The following ANKRD27 variants were observed in gnomAD, a reference collection of about 807,000 sequenced individuals.
The protein encoded by ANKRD27 is ankyrin repeat domain 27, also known as ankyrin repeat domain-containing protein 27.
A neutral mutation model predicts 129.7 loss-of-function variants in ANKRD27; 112 were observed. The observed-to-expected ratio is 0.86, with a 90% CI of 0.74 to 1.01. The LOEUF (loss-of-function observed/expected upper bound fraction) is 1.01, where lower values mean the gene tolerates loss of function less well. Ranked by LOEUF, ANKRD27 falls within the 50% of genes least tolerant of loss-of-function variation. The pLI is 0.00. For missense variants in ANKRD27, 1,258 were observed against 1,300.5 expected (o/e 0.97, Z 0.50); for synonymous variants, 516 against 511.2 (o/e 1.01, Z -0.13).
intron 1 of ANKRD27, among the ~76,000 whole-genome samples, chr19:32,660,904 TA>T (rs1164439890): frequency 6.6e-6 from 1 of 152,160 alleles, no homozygotes; most frequent in African/African-American, 2.4e-5. Flanking sequence ...ATCTGTATAC[TA>T]AAGTAAGTTT....
chr19:32,621,106 A>T (rs1972004267), intron 18 of ANKRD27, among the ~76,000 whole-genome samples: 1 of 152,084 alleles, frequency 6.6e-6, no homozygotes, highest in Admixed American at 6.6e-5. Flanking sequence ...AAACTGTGCT[A>T]CTCCAAGAAT....
chr19:32,663,778 C>T lies in ANKRD27; in HGVS notation c.-30-4733G>A, dbSNP rs146544199. Among the ~76,000 whole-genome samples, 1,051 of 152,102 alleles carry T rather than the reference C, an allele frequency of 6.9e-3. 7 individuals carry two copies. Among genetic ancestry groups the T allele is most frequent in the Non-Finnish European group, 0.011 (732 of 67,990 alleles). On this transcript the variant is annotated intron_variant, in intron 1 of 28. Coordinates refer to ENST00000306065, the MANE Select transcript of ANKRD27 (RefSeq NM_032139.3). ...GCACATTAAAAAAGAAATAGGGGGC[C>T]GGGTGTGGTGGCTCACGCCTGTAAT...
intron 22 of ANKRD27, 150 bp from the exon 23 acceptor site, chr19:32,607,982 G>A: frequency 1.2e-6 from 1 of 817,052 alleles, no homozygotes; most frequent in Non-Finnish European, 1.9e-6. Flanking sequence ...TTAGAAGTAT[G>A]TGGCATGCCA....
rs1312223553 is a variant in ANKRD27 at position 32,606,147 on chromosome 19, CTTTCT to C, written c.2374-198_2374-194del. ...TTTGTTGTTGTTCTTTTTGGTTTTT[CTTTCT>C]TTTTTTTTTTTTTTTTTCCAGACAG... On this transcript the variant is annotated intron_variant, in intron 23 of 28. Transcript: ENST00000306065. 4.9e-3 allele frequency among the ~76,000 whole-genome samples: 569 copies of C among 115,854 alleles called. 4 individuals carry two copies. The highest frequency in any genetic ancestry group is 0.016 in the African/African-American group (410 of 25,686). 76.0% of individuals were successfully genotyped at this position (115,854 alleles called of 152,430 possible).
At chr19:32,658,689 G>A (rs867454779) in intron 2 of ANKRD27, among the ~76,000 whole-genome samples, 2 of 152,168 alleles carry the variant, frequency 1.3e-5, no homozygotes, top group African/African-American at 4.8e-5. Context: ...CACAGGCGGG[G>A]GCCAGGAGTT....
intron 2 of ANKRD27, among the ~76,000 whole-genome samples, chr19:32,651,582 G>A (rs1967417599): frequency 1.3e-5 from 2 of 152,088 alleles, no homozygotes; most frequent in African/African-American, 4.8e-5. Flanking sequence ...GTGTTCACCA[G>A]GATGGTCTCG....
At position 32,646,439 on chromosome 19, in the gene ANKRD27, G is replaced by A. The variant is rs750901272; in HGVS notation, c.370+20C>T. 5.2e-5 allele frequency: 83 copies of A among 1,585,910 alleles called. No individual in the cohort carries two copies. In the Middle Eastern group the frequency reaches 1.0e-3, roughly 19 times the overall value. On this transcript the variant is annotated intron_variant, in intron 4 of 28. Transcript: ENST00000306065. ...ACATTTTTCTAAAACAGGAGAAAAA[G>A]GTTTTTTCTCCCAGAATACCTGAAC...
At chr19:32,644,284 G>A (rs375633030) in intron 5 of ANKRD27, 41 bp downstream of exon 5, 62 of 1,596,144 alleles carry the variant, frequency 3.9e-5, no homozygotes, top group South Asian at 2.4e-4. Context: ...GCACTGAACC[G>A]AGACAGGGCA....
intron 1 of ANKRD27, among the ~76,000 whole-genome samples, chr19:32,668,321 A>T (rs1014969756): frequency 7.9e-5 from 12 of 151,882 alleles, no homozygotes; most frequent in Admixed American, 7.2e-4. Context: ...CCAAGCCTAA[A>T]TTTTTTGTTT....
chr19:32,599,358 G>A (rs768591926), intron 28 of ANKRD27, among the ~76,000 whole-genome samples: 1 of 152,230 alleles, frequency 6.6e-6, no homozygotes, highest in Admixed American at 6.5e-5. Flanking sequence ...CATACTTGGA[G>A]ACATCATTTA....
At position 32,643,610 on chromosome 19, in the gene ANKRD27, T is replaced by C; in HGVS notation, c.547A>G (p.Thr183Ala). The part of the protein sequence containing the change: ...HHIDSANALY[T>A]KCLQQLLRDS... ...CTCAGAAGCTGCTGGAGGCATTTGG[T>C]GTAGAGAGCATTCGCTGAGTCCTAA... The change falls in exon 6 of 29, where the codon ACC becomes GCC. Residue 183 changes from threonine (T) to alanine (A), a missense_variant. Physicochemically the swap from Thr to Ala is moderately conservative, Grantham distance 58. Coordinates refer to ENST00000306065, the MANE Select transcript of ANKRD27 (RefSeq NM_032139.3). The C allele has an allele frequency of 6.2e-7, 1 of 1,613,896 alleles. No homozygotes were observed. Among genetic ancestry groups the C allele is most frequent in the Non-Finnish European group, 8.5e-7 (1 of 1,180,020 alleles).
intron 17 of ANKRD27, 136 bp downstream of exon 17, chr19:32,625,738 T>C: frequency 1.4e-6 from 1 of 714,058 alleles, no homozygotes; most frequent in South Asian, 2.4e-5. Flanking sequence ...GGCCTAACAT[T>C]CTTTCATATT....
intron 2 of ANKRD27, among the ~76,000 whole-genome samples, chr19:32,654,785 G>C (rs1418798698): frequency 6.6e-6 from 1 of 151,912 alleles, no homozygotes; most frequent in Non-Finnish European, 1.5e-5. Flanking sequence ...TTGTTTGTTT[G>C]TTTGTTTGTT....
chr19:32,673,196 T>C, intron 1 of ANKRD27: 1 of 777,326 alleles, frequency 1.3e-6, no homozygotes, highest in Non-Finnish European at 1.6e-6. Context: ...CCGGCCAAGA[T>C]TATTTCAGGT....
At position 32,604,444 on chromosome 19, in the gene ANKRD27, G is replaced by T. The variant is rs552487336; in HGVS notation, c.2494-20C>A. 3 of 1,579,898 alleles carry T rather than the reference G, an allele frequency of 1.9e-6. No individual in the cohort carries two copies. Among genetic ancestry groups the T allele is most frequent in the African/African-American group, 1.3e-5 (1 of 74,564 alleles). ...CCCGTGCTGGAAAGAGAAACCACAC[G>T]ATCAAAAGGAACGCTACGAAACGTC... On this transcript the variant is annotated intron_variant, in intron 24 of 28. Transcript: ENST00000306065.
intron 1 of ANKRD27, among the ~76,000 whole-genome samples, chr19:32,660,266 C>T (rs1030082747): frequency 2.0e-5 from 3 of 152,194 alleles, no homozygotes; most frequent in Admixed American, 2.0e-4. Flanking sequence ...ATTATGCAGC[C>T]GGGCACAGTG....
intron 2 of ANKRD27, among the ~76,000 whole-genome samples, 160 bp downstream of exon 2, chr19:32,658,754 G>A (rs575157703): frequency 4.3e-4 from 65 of 152,254 alleles, no homozygotes; most frequent in African/African-American, 1.4e-3. Context: ...TGGAGGGAGC[G>A]GCTCATGGGG....
intron 13 of ANKRD27, among the ~76,000 whole-genome samples, chr19:32,629,851 T>G (rs1195920758): frequency 8.7e-6 from 1 of 114,956 alleles, no homozygotes; most frequent in Non-Finnish European, 1.7e-5. Flanking sequence ...GTTCTTTTTT[T>G]TTTTTTTTTT....
chr19:32,628,676 G>C (rs1214088539), intron 14 of ANKRD27, 46 bp downstream of exon 14: 9 of 1,610,496 alleles, frequency 5.6e-6, no homozygotes, highest in Non-Finnish European at 7.6e-6. Context: ...CAGGAGGCCT[G>C]TCTCCTGCTT....
Sources: allele counts gnomAD v4.1 joint callset (sites outside exome capture counted in the v4.1 genomes callset), GRCh38; gene constraint gnomAD v4.1.1; transcripts MANE v1.5; gene names NCBI Gene and HGNC (gene_info 2026-07-23, HGNC 2026-07-21).